Variants in HS3ST3A1 observed in about 807,000 individuals in gnomAD.
HS3ST3A1 encodes the protein heparan sulfate-glucosamine 3-sulfotransferase 3A1, also known as heparan sulfate glucosamine 3-O-sulfotransferase 3A1.
A neutral mutation model predicts 25.7 loss-of-function variants in HS3ST3A1; 19 were observed. That is an observed-to-expected ratio of 0.74 (90% CI 0.52 to 1.08). HS3ST3A1 has a LOEUF of 1.08. HS3ST3A1 is among the 50% of genes least tolerant of loss of function. HS3ST3A1 has a pLI of 0.00. For synonymous variants in HS3ST3A1, 226 were observed against 278.6 expected (o/e 0.81, Z 1.88); for missense variants, 459 against 594.3 (o/e 0.77, Z 2.37).
At chr17:13,526,772 C>T (rs190551146) in intron 1 of HS3ST3A1, among the ~76,000 whole-genome samples, 1 of 151,882 alleles carries the variant, frequency 6.6e-6, no homozygotes, top group South Asian at 2.1e-4. Context: ...CTCAGCCTCC[C>T]GAGTAGCTGG....
At chr17:13,553,336 G>A (rs548670170) in intron 1 of HS3ST3A1, among the ~76,000 whole-genome samples, 1 of 152,318 alleles carries the variant, frequency 6.6e-6, no homozygotes, top group Admixed American at 6.5e-5. Flanking sequence ...TACCTTGTGT[G>A]AGAGAAGCTG....
At chr17:13,553,542 T>A (rs139158251) in intron 1 of HS3ST3A1, among the ~76,000 whole-genome samples, 1,610 of 152,320 alleles carry the variant, frequency 0.011, 36 homozygotes, top group South Asian at 0.063. Flanking sequence ...CTGTCCAGAT[T>A]AGATTACATT....
At chr17:13,526,474 T>TTATATATA (rs58701744) in intron 1 of HS3ST3A1, among the ~76,000 whole-genome samples, 1,062 of 76,040 alleles carry the variant, frequency 0.014, 21 homozygotes, top group Middle Eastern at 0.022. Context: ...ACTTTAATTT[T>TTATATATA]TATATATATA....
At chr17:13,579,956 A>G (rs1304428685) in intron 1 of HS3ST3A1, among the ~76,000 whole-genome samples, 1 of 148,384 alleles carries the variant, frequency 6.7e-6, no homozygotes, top group African/African-American at 2.5e-5. Context: ...AAAAAAAAAA[A>G]AAAAAAAAAA....
chr17:13,592,274 GA>G (rs750455060), intron 1 of HS3ST3A1, among the ~76,000 whole-genome samples: 7 of 152,106 alleles, frequency 4.6e-5, no homozygotes, highest in Admixed American at 2.0e-4. Context: ...ATAAAATGTA[GA>G]AAATGATAGG....
intron 1 of HS3ST3A1, among the ~76,000 whole-genome samples, chr17:13,501,302 G>A (rs1390594754): frequency 2.0e-5 from 3 of 150,870 alleles, no homozygotes; most frequent in African/African-American, 5.0e-5. Flanking sequence ...ACATAACAAC[G>A]TGTATGTACT....
chr17:13,600,366 C>T (rs1908685877), intron 1 of HS3ST3A1, among the ~76,000 whole-genome samples, 165 bp downstream of exon 1: 1 of 149,736 alleles, frequency 6.7e-6, no homozygotes, highest in African/African-American at 2.4e-5. Flanking sequence ...CATCCACTTC[C>T]CAGGAAGGAG....
chr17:13,592,008 C>A (rs866328635), intron 1 of HS3ST3A1, among the ~76,000 whole-genome samples: 10 of 152,214 alleles, frequency 6.6e-5, no homozygotes, highest in African/African-American at 2.4e-4. Flanking sequence ...TCAGAATGTC[C>A]AAGTCACTCT....
At chr17:13,593,170 CCTAT>C (rs1369833255) in intron 1 of HS3ST3A1, among the ~76,000 whole-genome samples, 8 of 150,066 alleles carry the variant, frequency 5.3e-5, no homozygotes, top group African/African-American at 1.7e-4. Context: ...CAGCTCTGGC[CCTAT>C]CTATTTTCCC....
At chr17:13,527,051 A>G (rs917336530) in intron 1 of HS3ST3A1, among the ~76,000 whole-genome samples, 2 of 152,106 alleles carry the variant, frequency 1.3e-5, no homozygotes, top group Non-Finnish European at 2.9e-5. Context: ...TTCCTGCACA[A>G]TGGATTGTTC....
At chr17:13,579,494 A>C (rs1908042201) in intron 1 of HS3ST3A1, among the ~76,000 whole-genome samples, 1 of 151,940 alleles carries the variant, frequency 6.6e-6, no homozygotes, top group African/African-American at 2.4e-5. Context: ...TGCACTCAGG[A>C]GTTCCAGACC....
At chr17:13,584,619 ACT>A (rs978484825) in intron 1 of HS3ST3A1, among the ~76,000 whole-genome samples, 1 of 144,088 alleles carries the variant, frequency 6.9e-6, no homozygotes, top group African/African-American at 2.7e-5. Context: ...TTTGGCTAAA[ACT>A]CTCTGATTAA....
At chr17:13,518,123 A>G (rs1448124141) in intron 1 of HS3ST3A1, among the ~76,000 whole-genome samples, 2 of 152,350 alleles carry the variant, frequency 1.3e-5, no homozygotes, top group African/African-American at 4.8e-5. Flanking sequence ...GGTAGGAAGG[A>G]TCCTACAGTC....
At chr17:13,568,375 T>C (rs1907726484) in intron 1 of HS3ST3A1, among the ~76,000 whole-genome samples, 1 of 152,222 alleles carries the variant, frequency 6.6e-6, no homozygotes, top group East Asian at 1.9e-4. Flanking sequence ...ATATTTGCTT[T>C]ATTACAGTGG....
At chr17:13,600,307 AG>A (rs1157852745) in intron 1 of HS3ST3A1, among the ~76,000 whole-genome samples, 4 of 152,218 alleles carry the variant, frequency 2.6e-5, no homozygotes, top group Admixed American at 1.3e-4. Flanking sequence ...GGGATTCCCA[AG>A]GATGAAAATT....
intron 1 of HS3ST3A1, among the ~76,000 whole-genome samples, chr17:13,525,349 A>G (rs1906377393): frequency 6.6e-6 from 1 of 152,122 alleles, no homozygotes; most frequent in Non-Finnish European, 1.5e-5. Flanking sequence ...ATATTAGGCT[A>G]ATGCTTTCTG....
chr17:13,496,012 G>A lies in HS3ST3A1; in HGVS notation c.*185C>T. On this transcript the variant is annotated 3_prime_UTR_variant, in exon 2 of 2. Transcript: ENST00000284110. ...TAGACGAGTGAAATTTTCCTTTTCTGTTGATCCACGTGTTTGGTGTTGGTT... is the reference window on the plus strand; with the variant it reads ...TAGACGAGTGAAATTTTCCTTTTCTATTGATCCACGTGTTTGGTGTTGGTT... 1.4e-6 allele frequency: 1 copy of A among 692,778 alleles called. No homozygotes were observed. The highest frequency in any genetic ancestry group is 3.4e-5 in the South Asian group (1 of 29,534). 42.9% of individuals were successfully genotyped at this position (692,778 alleles called of 1,614,324 possible). A position where few individuals can be genotyped will look rare whatever the true frequency, so the allele number is the denominator to read the frequency against.
chr17:13,512,506 T>C (rs1295372194), intron 1 of HS3ST3A1, among the ~76,000 whole-genome samples: 1 of 152,118 alleles, frequency 6.6e-6, no homozygotes, highest in Non-Finnish European at 1.5e-5. Flanking sequence ...GGTGGTCAGC[T>C]ATTTTTGTCA....
At chr17:13,547,383 G>A (rs1180424586) in intron 1 of HS3ST3A1, among the ~76,000 whole-genome samples, 1 of 152,112 alleles carries the variant, frequency 6.6e-6, no homozygotes, top group Non-Finnish European at 1.5e-5. Flanking sequence ...CACCATTAGG[G>A]AGTTGGAACT....
Sources: allele counts gnomAD v4.1 joint callset (sites outside exome capture counted in the v4.1 genomes callset), GRCh38; gene constraint gnomAD v4.1.1; transcripts MANE v1.5; gene names NCBI Gene and HGNC (gene_info 2026-07-23, HGNC 2026-07-21).